The following GSR variants were observed in gnomAD, a reference collection of about 807,000 sequenced individuals.
GSR encodes the protein glutathione-disulfide reductase.
A neutral mutation model predicts 56.5 loss-of-function variants in GSR; 48 were observed. That is an observed-to-expected ratio of 0.85 (90% confidence interval 0.67 to 1.08). The LOEUF is 1.08. GSR is among the 50% of genes least tolerant of loss of function. The pLI, the probability that GSR is intolerant of heterozygous loss-of-function variation, is 0.00. For synonymous variants in GSR, 264 were observed against 270.8 expected (o/e 0.97, Z 0.25); for missense variants, 694 against 703.3 (o/e 0.99, Z 0.15).
chr8:30,726,830 CCTCT>C (rs1804740638), intron 1 of GSR: 1 of 152,104 alleles, frequency 6.6e-6, no homozygotes, highest in Non-Finnish European at 1.5e-5. Context: ...GATTTACATC[CCTCT>C]GTTTTTAGTT....
rs1802860312 is a variant in GSR at position 30,679,389 on chromosome 8, A to G, written c.*131T>C. 12 of 887,892 alleles carry G rather than the reference A, an allele frequency of 1.4e-5. No individual in the cohort carries two copies. The East Asian group carries it at 3.2e-4, about 23-fold the overall frequency. The allele number at this position is 887,892 out of a possible 1,614,324, so 55.0% of individuals were successfully genotyped here. ...AAATAAGTTCTATTATGTACTAAAA[A>G]TTTCCACTATCAGAAGATCCTGATT... On this transcript the variant is annotated 3_prime_UTR_variant, in exon 13 of 13. Coordinates refer to ENST00000221130, the MANE Select transcript of GSR (RefSeq NM_000637.5).
At chr8:30,694,281 T>C (rs1463296817) in intron 7 of GSR, among the ~76,000 whole-genome samples, 1 of 152,174 alleles carries the variant, frequency 6.6e-6, no homozygotes, top group Non-Finnish European at 1.5e-5. Flanking sequence ...ATTCTGTCCC[T>C]GCAGAACTAG....
chr8:30,708,554 C>T (rs8190950), intron 3 of GSR, among the ~76,000 whole-genome samples: 235 of 152,328 alleles, frequency 1.5e-3, no homozygotes, highest in African/African-American at 5.4e-3. Context: ...AACTACCATA[C>T]GATTCGGCAA....
In GSR at chr8:30,678,697, A is replaced by C. The variant is rs780670699; in HGVS notation, c.*823T>G. On this transcript the variant is annotated 3_prime_UTR_variant, in exon 13 of 13. Coordinates refer to ENST00000221130, the MANE Select transcript of GSR (RefSeq NM_000637.5). The stretch of plus-strand genomic sequence containing the variant: ...TTTAATCATTAAAAAAGAAAAAAGA[A>C]AATAAGGCAGGCCGGCTTCTCACAT... 2.0e-5 allele frequency: 3 copies of C among 152,110 alleles called. No homozygotes were observed. The highest frequency in any genetic ancestry group is 4.4e-5 in the Non-Finnish European group (3 of 68,044). The allele number at this position is 152,110 out of a possible 1,614,324, so 9.4% of individuals were successfully genotyped here.
At position 30,681,005 on chromosome 8, in the gene GSR, C is replaced by T; in HGVS notation, c.1318G>A (p.Val440Met). 6.2e-7 allele frequency: 1 copy of T among 1,609,958 alleles called. No homozygotes were observed. Reference sequence around the variant, plus strand: ...GTAAAGCTCGTTGAATAGGTCTTCACATTTTCTATTCCATATTTATGAATG... The same window carrying T: ...GTAAAGCTCGTTGAATAGGTCTTCATATTTTCTATTCCATATTTATGAATG... ...EAIHKYGIEN[V>M]KTYSTSFTPM... is the part of the protein sequence containing the mutation. The change falls in exon 12 of 13, where the codon GTG becomes ATG. Residue 440 changes from valine to methionine, a missense_variant. Val to Met is a conservative substitution (Grantham distance 21, BLOSUM62 1). Transcript: ENST00000221130.
In GSR at chr8:30,727,625, C is replaced by T. The variant is rs1323749658; in HGVS notation, c.211G>A (p.Gly71Arg). The stretch of plus-strand genomic sequence containing the variant: ...CTGGCCAGCCCGCCCGAGCCGCCCC[C>T]GATCACCAGGTAGTCATAGGAGGCC... Reference protein sequence around the residue: ...AVASYDYLVIGGGSGGLASAR... With the variant: ...AVASYDYLVIRGGSGGLASAR... The change falls in exon 1 of 13, where the codon GGG becomes AGG. Residue 71 changes from glycine to arginine, a missense_variant. Coordinates refer to ENST00000221130, the MANE Select transcript of GSR (RefSeq NM_000637.5). The T allele has an allele frequency of 3.3e-6, 5 of 1,509,270 alleles. No homozygotes were observed. The highest frequency in any genetic ancestry group is 4.4e-6 in the Non-Finnish European group (5 of 1,135,736). The allele number at this position is 1,509,270 out of a possible 1,614,324, so 93.5% of individuals were successfully genotyped here. A position where few individuals can be genotyped will look rare whatever the true frequency, so the allele number is the denominator to read the frequency against.
intron 9 of GSR, among the ~76,000 whole-genome samples, chr8:30,685,363 T>A (rs1485923365): frequency 6.6e-6 from 1 of 152,080 alleles, no homozygotes. Context: ...AGCACTGGGG[T>A]TACAGGTGTG....
In GSR at chr8:30,711,946, AG is replaced by A. The variant is rs1438441228; in HGVS notation, c.333+115del. Reference sequence around the variant, plus strand: ...GCTTAAGCTACTTTTAGTAGGGTCTAGGGGTTTTTTTTGCAGAAAGAATTTT... The same window carrying A: ...GCTTAAGCTACTTTTAGTAGGGTCTAGGGTTTTTTTTGCAGAAAGAATTTT... On this transcript the variant is annotated intron_variant, in intron 2 of 12. Coordinates refer to ENST00000221130, the MANE Select transcript of GSR (RefSeq NM_000637.5). 4 of 672,510 alleles carry A rather than the reference AG, an allele frequency of 5.9e-6. No individual in the cohort carries two copies. The African/African-American group carries it at 7.3e-5, about 12-fold the overall frequency. 41.7% of individuals were successfully genotyped at this position (672,510 alleles called of 1,614,324 possible). A position where few individuals can be genotyped will look rare whatever the true frequency, so the allele number is the denominator to read the frequency against.
intron 11 of GSR, 107 bp from the exon 12 acceptor site, chr8:30,681,144 A>C (rs1802943153): frequency 1.1e-6 from 1 of 929,280 alleles, no homozygotes; most frequent in Non-Finnish European, 1.8e-6. Context: ...AACCACGAGG[A>C]AATATCAAAC....
chr8:30,696,631 T>A, intron 6 of GSR, 152 bp from the exon 7 acceptor site: 1 of 674,458 alleles, frequency 1.5e-6, no homozygotes, highest in Non-Finnish European at 2.7e-6. Flanking sequence ...TTAATTAGGA[T>A]ACCTTTGTCA....
chr8:30,705,847 TC>T (rs1803901757), intron 4 of GSR, among the ~76,000 whole-genome samples: 1 of 151,874 alleles, frequency 6.6e-6, no homozygotes, highest in Non-Finnish European at 1.5e-5. Context: ...TAAATATTTT[TC>T]CCCCTGGATT....
intron 4 of GSR, 44 bp from the exon 5 acceptor site, chr8:30,703,284 CA>C: frequency 6.5e-7 from 1 of 1,547,816 alleles, no homozygotes. Context: ...AGAATAAAAA[CA>C]AAGACACCTA....
Position 30,680,974 on chromosome 8 carries a change from A to T in GSR, c.1349T>A (p.Met450Lys). The T allele has an allele frequency of 6.2e-7, 1 of 1,611,714 alleles. No individual in the cohort carries two copies. Among genetic ancestry groups the T allele is most frequent in the Non-Finnish European group, 8.5e-7 (1 of 1,177,870 alleles). ...VKTYSTSFTP[M>K]YHAVTKRKTK... ...TTTCCTTTTGGTAACTGCGTGATAC[A>T]TCGGGGTAAAGCTCGTTGAATAGGT... The change falls in exon 12 of 13, where the codon ATG becomes AAG. Residue 450 changes from methionine to lysine, a missense_variant. Met to Lys is a moderately conservative substitution (Grantham distance 95, BLOSUM62 -1). Coordinates refer to ENST00000221130, the MANE Select transcript of GSR (RefSeq NM_000637.5).
chr8:30,682,796 A>AGCT (rs1803003292), intron 10 of GSR, among the ~76,000 whole-genome samples: 1 of 151,678 alleles, frequency 6.6e-6, no homozygotes. Flanking sequence ...CACTGCGCCT[A>AGCT]GAATCTTTAT....
At chr8:30,683,186 TACTAG>T (rs1803015143) in intron 10 of GSR, among the ~76,000 whole-genome samples, 1 of 152,126 alleles carries the variant, frequency 6.6e-6, no homozygotes, top group East Asian at 1.9e-4. Context: ...GGTCTCAAAC[TACTAG>T]ACTCAAGCGA....
rs576861816 is a variant in GSR, at chr8:30,685,252, G to A, written c.1042-1053C>T. Reference sequence around the variant, plus strand: ...TGGGATTACAGGCGTGAACCACCACGCCTAGCCTTTTTAACATTTTTTTAT... The same window carrying A: ...TGGGATTACAGGCGTGAACCACCACACCTAGCCTTTTTAACATTTTTTTAT... On this transcript the variant is annotated intron_variant, in intron 9 of 12. Transcript: ENST00000221130. 4.1e-4 allele frequency among the ~76,000 whole-genome samples: 63 copies of A among 152,010 alleles called. 3 individuals carry two copies. The South Asian group carries it at 5.0e-3, about 12-fold the overall frequency.
intron 3 of GSR, 134 bp from the exon 4 acceptor site, chr8:30,708,275 C>A: frequency 2.7e-6 from 2 of 736,498 alleles, no homozygotes; most frequent in South Asian, 1.4e-5. Context: ...TGAATGTCTC[C>A]GAAGACAGTC....
At chr8:30,717,028 G>A (rs1026262859) in intron 1 of GSR, among the ~76,000 whole-genome samples, 5 of 152,004 alleles carry the variant, frequency 3.3e-5, no homozygotes, top group Admixed American at 2.6e-4. Context: ...ACCTGAGGTC[G>A]GTAGTTCAAG....
chr8:30,710,535 G>A lies in GSR; in HGVS notation c.334-633C>T, dbSNP rs144685546. ...AGTTCGAGACCATCTTGGCCAACATGGTGAAATCTCATTTCTAATAAAAAT... is the reference window on the plus strand; with the variant it reads ...AGTTCGAGACCATCTTGGCCAACATAGTGAAATCTCATTTCTAATAAAAAT... On this transcript the variant is annotated intron_variant, in intron 2 of 12. Transcript: ENST00000221130. 5.6e-3 allele frequency among the ~76,000 whole-genome samples: 841 copies of A among 150,488 alleles called. 9 individuals carry two copies. The highest frequency in any genetic ancestry group is 0.019 in the African/African-American group (792 of 41,134).
Sources: allele counts gnomAD v4.1 joint callset (sites outside exome capture counted in the v4.1 genomes callset), GRCh38; gene constraint gnomAD v4.1.1; transcripts MANE v1.5; gene names NCBI Gene and HGNC (gene_info 2026-07-23, HGNC 2026-07-21).